Variants in CSMD1 observed in about 807,000 individuals in gnomAD.
CSMD1 encodes the protein CUB and sushi domain-containing protein 1.
Under a neutral mutation model 417.5 loss-of-function variants are expected in CSMD1, and 213 were observed. The ratio of observed to expected loss-of-function variants is 0.51; its 90% CI spans 0.46 to 0.57. CSMD1 has a LOEUF of 0.57. Among genes scored for constraint, CSMD1 ranks in the 20% least tolerant of loss-of-function variants. The probability of loss-of-function intolerance (pLI) is 0.00; values close to 1 mark genes in which losing one functional copy is unlikely to be tolerated. For synonymous variants in CSMD1, 2,862 were observed against 1,736.8 expected (o/e 1.65, Z -16.11); for missense variants, 6,923 against 4,529.7 (o/e 1.53, Z -15.17).
chr8:4,861,410 C>T (rs1781197877), intron 1 of CSMD1, among the ~76,000 whole-genome samples: 1 of 152,160 alleles, frequency 6.6e-6, no homozygotes, highest in Non-Finnish European at 1.5e-5. Context: ...CTGTAAACAT[C>T]CAGAAACATG....
intron 2 of CSMD1, among the ~76,000 whole-genome samples, chr8:4,500,920 T>C (rs935565563): frequency 2.0e-5 from 3 of 152,170 alleles, no homozygotes; most frequent in Non-Finnish European, 2.9e-5. Flanking sequence ...TAACCAGTGA[T>C]CTTTTACAAC....
intron 11 of CSMD1, among the ~76,000 whole-genome samples, chr8:3,476,388 G>A (rs755734078): frequency 6.6e-6 from 1 of 151,988 alleles, no homozygotes; most frequent in Admixed American, 6.6e-5. Flanking sequence ...TTCTATTTTG[G>A]CAATTATGAA....
chr8:3,562,082 T>A (rs530638474), intron 10 of CSMD1, among the ~76,000 whole-genome samples: 1 of 151,594 alleles, frequency 6.6e-6, no homozygotes, highest in Admixed American at 6.6e-5. Flanking sequence ...AAAAATTCGG[T>A]ACCTTCTTAC....
rs906617068 is a variant in CSMD1 at position 3,172,382 on chromosome 8, G to A, written c.5725+8728C>T. ...GACTAATGCTCATTTTTTTTCTAGG[G>A]ATACTTTTAATCTGAGGCATTGCTG... On this transcript the variant is annotated intron_variant, in intron 37 of 69. Transcript: ENST00000635120. 2.6e-5 allele frequency among the ~76,000 whole-genome samples: 4 copies of A among 151,938 alleles called. No homozygotes were observed. In the East Asian group the frequency reaches 7.7e-4, roughly 29 times the overall value.
Position 4,688,275 on chromosome 8 carries a change from C to A in CSMD1, c.86-50717G>T, listed in dbSNP as rs554099207. 2.1e-3 allele frequency among the ~76,000 whole-genome samples: 318 copies of A among 152,254 alleles called. 2 individuals are homozygous for A. The highest frequency in any genetic ancestry group is 3.4e-3 in the Non-Finnish European group (230 of 68,032). ...AATTTCAATATGTATATTGATCTAA[C>A]ATAATGAATCTATGTCAAAAAACTG... On this transcript the variant is annotated intron_variant, in intron 1 of 69. Transcript: ENST00000635120.
At chr8:4,443,947 G>A (rs551211534) in intron 2 of CSMD1, among the ~76,000 whole-genome samples, 71 of 152,182 alleles carry the variant, frequency 4.7e-4, no homozygotes, top group African/African-American at 1.6e-3. Flanking sequence ...GCATATATTC[G>A]TGTGTGATAT....
intron 41 of CSMD1, among the ~76,000 whole-genome samples, chr8:3,120,723 T>G (rs951416429): frequency 6.6e-6 from 1 of 151,776 alleles, no homozygotes. Context: ...GACCGGCACC[T>G]GTAATCCCAG....
At chr8:3,480,303 A>G (rs1479786994) in intron 11 of CSMD1, among the ~76,000 whole-genome samples, 1 of 152,210 alleles carries the variant, frequency 6.6e-6, no homozygotes, top group Non-Finnish European at 1.5e-5. Flanking sequence ...CGGAGGATGC[A>G]TTGAGCACAG....
chr8:3,050,957 G>C (rs1811780986), intron 50 of CSMD1, among the ~76,000 whole-genome samples: 1 of 152,196 alleles, frequency 6.6e-6, no homozygotes, highest in Non-Finnish European at 1.5e-5. Flanking sequence ...GCAGATACTG[G>C]TGAGGCAGTG....
chr8:3,223,775 T>C lies in CSMD1; in HGVS notation c.4438A>G (p.Arg1480Gly), dbSNP rs2116871597. The C allele has an allele frequency of 6.2e-7, 1 of 1,613,884 alleles. No individual in the cohort carries two copies. The highest frequency in any genetic ancestry group is 1.1e-5 in the South Asian group (1 of 91,080). The change falls in exon 28 of 70, where the codon AGA becomes GGA. Residue 1480 changes from arginine (R) to glycine (G), a missense_variant. By Grantham distance (125) the Arg-to-Gly change is moderately radical (BLOSUM62 -2). Transcript: ENST00000635120. ...ACAAAGTCCGGGTTCACTTTTACTC[T>C]CCAGTCACATTCCTTCCCAGGAGGA... Reference protein sequence around the residue: ...PYPPGKECDWRVKVNPDFVIA... With the variant: ...PYPPGKECDWGVKVNPDFVIA...
At chr8:4,112,054 G>C (rs1001002856) in intron 3 of CSMD1, among the ~76,000 whole-genome samples, 2 of 152,070 alleles carry the variant, frequency 1.3e-5, no homozygotes, top group East Asian at 1.9e-4. Context: ...GTTAACATTT[G>C]CAATTTTGTC....
chr8:4,797,127 G>C (rs769384897), intron 1 of CSMD1, among the ~76,000 whole-genome samples: 5 of 152,178 alleles, frequency 3.3e-5, no homozygotes, highest in Non-Finnish European at 7.3e-5. Context: ...TGATTGCAGA[G>C]GCCATGGAAG....
At chr8:4,153,533 G>C (rs760718624) in intron 3 of CSMD1, among the ~76,000 whole-genome samples, 1 of 152,200 alleles carries the variant, frequency 6.6e-6, no homozygotes, top group Non-Finnish European at 1.5e-5. Flanking sequence ...GCACCAGCTG[G>C]TCCCTCGTCA....
At chr8:4,847,059 C>T (rs1045760712) in intron 1 of CSMD1, among the ~76,000 whole-genome samples, 19 of 151,748 alleles carry the variant, frequency 1.3e-4, no homozygotes, top group African/African-American at 3.6e-4. Context: ...TGATAATTGG[C>T]GAACTTTGTC....
At chr8:4,758,334 G>A (rs371172334) in intron 1 of CSMD1, among the ~76,000 whole-genome samples, 1 of 152,244 alleles carries the variant, frequency 6.6e-6, no homozygotes, top group African/African-American at 2.4e-5. Flanking sequence ...GATTCTTTGT[G>A]TTATTTAGAA....
At chr8:3,778,406 A>G (rs1799007188) in intron 5 of CSMD1, among the ~76,000 whole-genome samples, 1 of 152,204 alleles carries the variant, frequency 6.6e-6, no homozygotes, top group Admixed American at 6.5e-5. Flanking sequence ...ATAAATAAAA[A>G]GATTCAACAC....
At chr8:4,716,500 T>G (rs1416335209) in intron 1 of CSMD1, among the ~76,000 whole-genome samples, 3 of 152,210 alleles carry the variant, frequency 2.0e-5, no homozygotes, top group African/African-American at 7.2e-5. Context: ...TCATAATACT[T>G]CAACATCCAT....
Position 4,637,327 on chromosome 8 carries a change from A to C in CSMD1, c.302+15T>G. 2 of 1,580,904 alleles carry C rather than the reference A, an allele frequency of 1.3e-6. No individual in the cohort carries two copies. Among genetic ancestry groups the C allele is most frequent in the Non-Finnish European group, 1.7e-6 (2 of 1,150,478 alleles). ...CAAACAGTGCTAACTGTAATATAAA[A>C]AGTTGATACCTTACCTCACTTTTAA... On this transcript the variant is annotated intron_variant, in intron 2 of 69. Coordinates refer to ENST00000635120, the MANE Select transcript of CSMD1 (RefSeq NM_033225.6).
intron 69 of CSMD1, 34 bp downstream of exon 69, chr8:2,942,438 C>A (rs751579729): frequency 1.9e-6 from 3 of 1,590,448 alleles, no homozygotes; most frequent in East Asian, 2.2e-5. Context: ...TTTACACTCA[C>A]AACATTCTCA....
Sources: allele counts gnomAD v4.1 joint callset (sites outside exome capture counted in the v4.1 genomes callset), GRCh38; gene constraint gnomAD v4.1.1; transcripts MANE v1.5; gene names NCBI Gene and HGNC (gene_info 2026-07-23, HGNC 2026-07-21).